The following DAB1 variants were observed in gnomAD, a reference collection of about 807,000 sequenced individuals.
The protein encoded by DAB1 is DAB adaptor protein 1.
A neutral mutation model predicts 64.6 loss-of-function variants in DAB1; 15 were observed. The observed-to-expected ratio is 0.23, with a 90% CI of 0.16 to 0.36. DAB1 has a LOEUF of 0.36. Among genes scored for constraint, DAB1 ranks in the 10% least tolerant of loss-of-function variants. DAB1 has a pLI of 1.00. For synonymous variants in DAB1, 235 were observed against 251.9 expected (o/e 0.93, Z 0.64); for missense variants, 596 against 706.7 (o/e 0.84, Z 1.78).
intron 5 of DAB1, among the ~76,000 whole-genome samples, chr1:58,058,579 G>A (rs1286064805): frequency 1.3e-5 from 2 of 152,058 alleles, no homozygotes; most frequent in East Asian, 3.9e-4. Flanking sequence ...AGACCATCCG[G>A]GGGCTTCATC....
chr1:58,314,272 G>A (rs1369647184), intron 4 of DAB1, among the ~76,000 whole-genome samples: 1 of 152,136 alleles, frequency 6.6e-6, no homozygotes, highest in African/African-American at 2.4e-5. Flanking sequence ...ATGTTGTCTG[G>A]TCTGTTCTTG....
At chr1:57,717,878 A>C (rs1468486794) in intron 6 of DAB1, among the ~76,000 whole-genome samples, 1 of 152,276 alleles carries the variant, frequency 6.6e-6, no homozygotes, top group Non-Finnish European at 1.5e-5. Context: ...ATGCAAAGAA[A>C]GACAAAAATC....
intron 7 of DAB1, among the ~76,000 whole-genome samples, chr1:57,577,799 C>T (rs1645267583): frequency 6.6e-6 from 1 of 152,206 alleles, no homozygotes; most frequent in African/African-American, 2.4e-5. Context: ...CTGATGCTGC[C>T]ATTCTCTTGA....
At chr1:58,402,907 C>T (rs1400377219) in intron 3 of DAB1, among the ~76,000 whole-genome samples, 1 of 152,230 alleles carries the variant, frequency 6.6e-6, no homozygotes, top group African/African-American at 2.4e-5. Context: ...CACGCACCTT[C>T]TTGACCTCTC....
chr1:57,318,583 CT>C (rs1394768775), intron 1 of DAB1, among the ~76,000 whole-genome samples: 1 of 152,090 alleles, frequency 6.6e-6, no homozygotes, highest in African/African-American at 2.4e-5. Context: ...CCTGCTTCCC[CT>C]TTGCCTCCCA....
intron 5 of DAB1, among the ~76,000 whole-genome samples, chr1:58,072,548 T>C (rs1008615153): frequency 2.6e-5 from 4 of 152,220 alleles, no homozygotes; most frequent in Non-Finnish European, 5.9e-5. Context: ...CTGTGAGAAT[T>C]ATGTGTGTGA....
intron 6 of DAB1, among the ~76,000 whole-genome samples, chr1:57,674,210 A>G (rs1646539985): frequency 6.6e-6 from 1 of 152,198 alleles, no homozygotes; most frequent in South Asian, 2.1e-4. Context: ...ATTTTATAGA[A>G]GGCATTTGAA....
At position 57,007,765 on chromosome 1, in the gene DAB1, A is replaced by C. The variant is rs554870470; in HGVS notation, c.*15+2915T>G. Among the ~76,000 whole-genome samples, 4 of 152,318 alleles carry C rather than the reference A, an allele frequency of 2.6e-5. No individual in the cohort carries two copies. The East Asian group carries it at 7.7e-4, about 29-fold the overall frequency. On this transcript the variant is annotated intron_variant, in intron 14 of 14. Coordinates refer to ENST00000371236, the MANE Select transcript of DAB1 (RefSeq NM_001365792.1). Reference sequence around the variant, plus strand: ...AGAGAGACAGGACTCTTGCTTTCCAACCATATGAAAGCAGAGGGGAAAAAA... The same window carrying C: ...AGAGAGACAGGACTCTTGCTTTCCACCCATATGAAAGCAGAGGGGAAAAAA...
chr1:58,305,050 G>A (rs940007608), intron 4 of DAB1, among the ~76,000 whole-genome samples: 2 of 151,976 alleles, frequency 1.3e-5, no homozygotes, highest in African/African-American at 4.8e-5. Context: ...CTATTCACAA[G>A]TGCAATCATA....
rs182797094 is a variant in DAB1 at position 58,019,507 on chromosome 1, G to C, written n.387+131004C>G. Among the ~76,000 whole-genome samples, 410 of 152,244 alleles carry C rather than the reference G, an allele frequency of 2.7e-3. 2 individuals carry two copies. Among genetic ancestry groups the C allele is most frequent in the Admixed American group, 6.2e-3 (95 of 15,280 alleles). ...CGTACTATGAATTACTATTTATTGAGTACCTATAATAAGCTAGACACTATC... is the reference window on the plus strand; with the variant it reads ...CGTACTATGAATTACTATTTATTGACTACCTATAATAAGCTAGACACTATC... On this transcript the variant is annotated intron_variant and non_coding_transcript_variant, in intron 5 of 20. Coordinates refer to the DAB1 transcript ENST00000485760.
intron 6 of DAB1, among the ~76,000 whole-genome samples, chr1:57,802,274 C>T (rs1022899284): frequency 6.6e-6 from 1 of 152,076 alleles, no homozygotes; most frequent in Non-Finnish European, 1.5e-5. Context: ...GTAGAAAGAC[C>T]AATATAGTGA....
intron 7 of DAB1, among the ~76,000 whole-genome samples, chr1:57,639,618 A>T (rs1646103781): frequency 6.6e-6 from 1 of 152,150 alleles, no homozygotes; most frequent in Non-Finnish European, 1.5e-5. Flanking sequence ...GTGTCCATGA[A>T]CTAAGGCAAA....
intron 4 of DAB1, among the ~76,000 whole-genome samples, chr1:58,283,390 G>A (rs1661610734): frequency 6.6e-6 from 1 of 152,124 alleles, no homozygotes; most frequent in Admixed American, 6.6e-5. Flanking sequence ...TCTGTCATTT[G>A]GGTTTCTGGG....
chr1:57,911,937 A>G (rs998387100), intron 5 of DAB1, among the ~76,000 whole-genome samples: 3 of 152,202 alleles, frequency 2.0e-5, no homozygotes, highest in African/African-American at 4.8e-5. Context: ...AAACTATTTT[A>G]TAACTAATCC....
At chr1:58,063,632 A>C (rs2100555435) in intron 5 of DAB1, among the ~76,000 whole-genome samples, 1 of 152,318 alleles carries the variant, frequency 6.6e-6, no homozygotes, top group South Asian at 2.1e-4. Context: ...CAGAGCCCTG[A>C]GTTTTTATCT....
chr1:57,220,196 C>G (rs1177482118), intron 2 of DAB1, among the ~76,000 whole-genome samples: 3 of 152,130 alleles, frequency 2.0e-5, no homozygotes, highest in African/African-American at 7.2e-5. Flanking sequence ...TTTCAAAAGT[C>G]CTTTGAGGGG....
chr1:57,122,187 A>C (rs747992394), intron 4 of DAB1, among the ~76,000 whole-genome samples: 1 of 152,274 alleles, frequency 6.6e-6, no homozygotes, highest in Admixed American at 6.5e-5. Flanking sequence ...TGCTTATCAC[A>C]CTGTTGTGTA....
chr1:58,442,824 G>C (rs553250280), intron 3 of DAB1, among the ~76,000 whole-genome samples: 1 of 152,256 alleles, frequency 6.6e-6, no homozygotes, highest in South Asian at 2.1e-4. Context: ...GGTTGAGGCT[G>C]CAGTAAGCTG....
At chr1:57,368,854 C>T (rs186669758) in intron 1 of DAB1, among the ~76,000 whole-genome samples, 3 of 152,260 alleles carry the variant, frequency 2.0e-5, no homozygotes, top group African/African-American at 7.2e-5. Context: ...TACCATACTC[C>T]TGCCCTCCCA....
Sources: gnomAD v4.1 joint callset for allele counts (sites outside exome capture counted in the v4.1 genomes callset) on GRCh38, gnomAD v4.1.1 for gene constraint, MANE v1.5 for transcripts, NCBI Gene and HGNC (gene_info 2026-07-23, HGNC 2026-07-21) for gene names.